Variants in CACNB2 observed in about 807,000 individuals in gnomAD.
CACNB2 encodes the protein voltage-dependent L-type calcium channel subunit beta-2.
Under a neutral mutation model 73.3 loss-of-function variants are expected in CACNB2, and 42 were observed. The ratio of observed to expected loss-of-function variants is 0.57; its 90% confidence interval spans 0.45 to 0.74. The LOEUF (loss-of-function observed/expected upper bound fraction) is 0.74. CACNB2 is among the 30% of genes least tolerant of loss of function. The probability of loss-of-function intolerance (pLI) is 0.00; values close to 1 mark genes in which losing one functional copy is unlikely to be tolerated. For missense variants in CACNB2, 940 were observed against 853.0 expected (o/e 1.10, Z -1.27); for synonymous variants, 348 against 310.3 (o/e 1.12, Z -1.28).
At chr10:18,370,229 C>T (rs1267073849) in intron 2 of CACNB2, among the ~76,000 whole-genome samples, 1 of 152,208 alleles carries the variant, frequency 6.6e-6, no homozygotes, top group Non-Finnish European at 1.5e-5. Flanking sequence ...AAATGTGCTC[C>T]CTGCACCAGG....
At chr10:18,234,582 A>G (rs74967009) in intron 2 of CACNB2, among the ~76,000 whole-genome samples, 1,798 of 152,316 alleles carry the variant, frequency 0.012, 23 homozygotes, top group East Asian at 0.046. Context: ...CTCACACATG[A>G]AGACATTATG....
chr10:18,440,745 G>A (rs569841244), intron 3 of CACNB2, among the ~76,000 whole-genome samples: 1 of 152,288 alleles, frequency 6.6e-6, no homozygotes, highest in East Asian at 1.9e-4. Flanking sequence ...ATTTCAGGCA[G>A]TGGAAACCAT....
At chr10:18,331,030 G>A (rs1380921298) in intron 2 of CACNB2, among the ~76,000 whole-genome samples, 1 of 150,462 alleles carries the variant, frequency 6.6e-6, no homozygotes, top group Non-Finnish European at 1.5e-5. Flanking sequence ...TCTGTTGCCA[G>A]GCTGGAGTGC....
intron 2 of CACNB2, among the ~76,000 whole-genome samples, chr10:18,335,516 C>T (rs1564445992): frequency 6.6e-6 from 1 of 152,150 alleles, no homozygotes; most frequent in African/African-American, 2.4e-5. Context: ...ATTGCTTGAA[C>T]CCAGGAGGCA....
In CACNB2 at chr10:18,538,196, T is replaced by C. The variant is rs1434794901; in HGVS notation, c.1319T>C (p.Ile440Thr). Residue 440 changes from isoleucine to threonine, a missense_variant, in exon 13 of 14, where the codon ATC (isoleucine) becomes ACC (threonine). By Grantham distance (89) the Ile-to-Thr change is moderately conservative. Coordinates refer to ENST00000324631, the MANE Select transcript of CACNB2 (RefSeq NM_201596.3). ...AQCPPELFDV[I>T]LDENQLEDAC... ...CCTCTGCAGGAGCTGTTCGATGTGATCTTGGATGAGAACCAGCTTGAGGAT... is the reference window on the plus strand; with the variant it reads ...CCTCTGCAGGAGCTGTTCGATGTGACCTTGGATGAGAACCAGCTTGAGGAT... 1 of 1,614,048 alleles carries C rather than the reference T, an allele frequency of 6.2e-7. No homozygotes were observed. Among genetic ancestry groups the C allele is most frequent in the South Asian group, 1.1e-5 (1 of 91,064 alleles).
intron 3 of CACNB2, among the ~76,000 whole-genome samples, chr10:18,472,206 C>T (rs1458066796): frequency 6.8e-6 from 1 of 146,714 alleles, no homozygotes; most frequent in African/African-American, 2.5e-5. Flanking sequence ...CTTTAATATC[C>T]GGCCCACTTT....
In CACNB2 at chr10:18,333,833, G is replaced by A. The variant is rs143158442; in HGVS notation, c.214-68091G>A. On this transcript the variant is annotated intron_variant, in intron 2 of 13. Coordinates refer to ENST00000324631, the MANE Select transcript of CACNB2 (RefSeq NM_201596.3). ...ATAGACTGGACTTTGAAGTCTGGAC[G>A]GACCACTTGAAGTATGTGACCTCCA... 1.6e-3 allele frequency among the ~76,000 whole-genome samples: 242 copies of A among 152,116 alleles called. 1 individual carries two copies. The highest frequency in any genetic ancestry group is 5.6e-3 in the African/African-American group (233 of 41,472).
At chr10:18,211,065 T>G (rs997234582) in intron 2 of CACNB2, among the ~76,000 whole-genome samples, 1 of 152,216 alleles carries the variant, frequency 6.6e-6, no homozygotes, top group African/African-American at 2.4e-5. Flanking sequence ...GAAGCTTTGC[T>G]CATGGGAAGA....
chr10:18,377,574 A>G (rs1050941025), intron 2 of CACNB2, among the ~76,000 whole-genome samples: 3 of 152,204 alleles, frequency 2.0e-5, no homozygotes, highest in African/African-American at 7.2e-5. Context: ...AATTTTCGCA[A>G]CATGAGATGT....
intron 3 of CACNB2, among the ~76,000 whole-genome samples, chr10:18,417,907 G>A (rs1037569139): frequency 1.4e-5 from 2 of 144,348 alleles, no homozygotes; most frequent in African/African-American, 5.0e-5. Flanking sequence ...ATTAAGTGTT[G>A]CCTATTCGTA....
At chr10:18,438,644 G>A (rs1342611593) in intron 3 of CACNB2, among the ~76,000 whole-genome samples, 1 of 152,224 alleles carries the variant, frequency 6.6e-6, no homozygotes, top group Non-Finnish European at 1.5e-5. Flanking sequence ...TCTCCTCTTG[G>A]CTGGAAGCCT....
At chr10:18,168,497 T>TTGTGTGTGTG (rs111401264) in intron 2 of CACNB2, among the ~76,000 whole-genome samples, 5,568 of 149,910 alleles carry the variant, frequency 0.037, 143 homozygotes, top group Middle Eastern at 0.12. Flanking sequence ...TCTTCCTTCT[T>TTGTGTGTGTG]TGTGTGTGTG....
chr10:18,524,206 G>A (rs375459271), intron 9 of CACNB2, among the ~76,000 whole-genome samples: 2 of 149,744 alleles, frequency 1.3e-5, no homozygotes, highest in East Asian at 1.9e-4. Flanking sequence ...ATAAATTCAC[G>A]GTTTTTTTTT....
chr10:18,409,314 A>T (rs1332612891), intron 3 of CACNB2, among the ~76,000 whole-genome samples: 1 of 150,196 alleles, frequency 6.7e-6, no homozygotes, highest in Admixed American at 6.6e-5. Flanking sequence ...AAAAAAAAAA[A>T]AAAAGTAGAG....
At chr10:18,478,724 T>C (rs563226209) in intron 3 of CACNB2, among the ~76,000 whole-genome samples, 4 of 152,256 alleles carry the variant, frequency 2.6e-5, no homozygotes, top group South Asian at 4.1e-4. Context: ...AGGAATTCCA[T>C]TGAGAGGATC....
At chr10:18,190,638 A>G (rs2034354117) in intron 2 of CACNB2, among the ~76,000 whole-genome samples, 1 of 152,210 alleles carries the variant, frequency 6.6e-6, no homozygotes, top group Non-Finnish European at 1.5e-5. Flanking sequence ...TTGTACTTTG[A>G]TGTTCTTCCA....
At chr10:18,358,464 A>G (rs951234621) in intron 2 of CACNB2, among the ~76,000 whole-genome samples, 3 of 150,160 alleles carry the variant, frequency 2.0e-5, no homozygotes, top group Admixed American at 6.7e-5. Flanking sequence ...GAATACAGCA[A>G]TGAATGAGGG....
chr10:18,222,083 G>A (rs2035815048), intron 2 of CACNB2, among the ~76,000 whole-genome samples: 2 of 152,178 alleles, frequency 1.3e-5, no homozygotes, highest in African/African-American at 2.4e-5. Flanking sequence ...GGAAGAACCT[G>A]GCAGTGTGTA....
chr10:18,419,230 T>C (rs1348633796), intron 3 of CACNB2, among the ~76,000 whole-genome samples: 5 of 152,236 alleles, frequency 3.3e-5, no homozygotes, highest in African/African-American at 1.2e-4. Flanking sequence ...TTAAGTAGCC[T>C]GAGGATTCAA....
Sources: allele counts gnomAD v4.1 joint callset (sites outside exome capture counted in the v4.1 genomes callset), GRCh38; gene constraint gnomAD v4.1.1; transcripts MANE v1.5; gene names NCBI Gene and HGNC (gene_info 2026-07-23, HGNC 2026-07-21).